Variants in CSMD1 observed in about 807,000 individuals in gnomAD.
CSMD1 encodes the protein CUB and Sushi multiple domains 1.
A neutral mutation model predicts 417.5 loss-of-function variants in CSMD1; 213 were observed. The ratio of observed to expected loss-of-function variants is 0.51; its 90% CI spans 0.46 to 0.57. The LOEUF is 0.57. Ranked by LOEUF, CSMD1 falls within the 20% of genes least tolerant of loss-of-function variation. The pLI, the probability that CSMD1 is intolerant of heterozygous loss-of-function variation, is 0.00. For synonymous variants in CSMD1, 2,862 were observed against 1,736.8 expected (o/e 1.65, Z -16.11); for missense variants, 6,923 against 4,529.7 (o/e 1.53, Z -15.17).
At chr8:4,511,083 G>A (rs182827189) in intron 2 of CSMD1, among the ~76,000 whole-genome samples, 215 of 152,138 alleles carry the variant, frequency 1.4e-3, no homozygotes, top group African/African-American at 4.9e-3. Flanking sequence ...AGCCTGGTCA[G>A]CACTCTCCTG....
At chr8:3,641,664 T>C (rs1046259857) in intron 7 of CSMD1, among the ~76,000 whole-genome samples, 1 of 152,178 alleles carries the variant, frequency 6.6e-6, no homozygotes, top group Admixed American at 6.5e-5. Context: ...GAATTTCAAA[T>C]ACAGCTTTTG....
At chr8:4,442,722 A>G (rs894640535) in intron 2 of CSMD1, among the ~76,000 whole-genome samples, 5 of 152,284 alleles carry the variant, frequency 3.3e-5, no homozygotes, top group East Asian at 3.9e-4. Flanking sequence ...GTATTTGTTG[A>G]TAATACAATC....
intron 7 of CSMD1, among the ~76,000 whole-genome samples, chr8:3,642,179 T>C (rs1417815079): frequency 6.6e-6 from 1 of 151,186 alleles, no homozygotes; most frequent in Non-Finnish European, 1.5e-5. Context: ...TATTTATACA[T>C]AATATATAAT....
At chr8:3,360,551 C>T (rs1809093693) in intron 20 of CSMD1, among the ~76,000 whole-genome samples, 1 of 152,220 alleles carries the variant, frequency 6.6e-6, no homozygotes, top group Middle Eastern at 3.4e-3. Flanking sequence ...AGTCAGCCAG[C>T]CAACTAGGAA....
intron 12 of CSMD1, among the ~76,000 whole-genome samples, chr8:3,416,725 C>T (rs1329381352): frequency 1.3e-5 from 2 of 152,186 alleles, no homozygotes; most frequent in Non-Finnish European, 2.9e-5. Flanking sequence ...GGCAAGGCAG[C>T]ACTGTACATG....
At chr8:4,264,609 G>C (rs1038392948) in intron 3 of CSMD1, among the ~76,000 whole-genome samples, 1 of 152,092 alleles carries the variant, frequency 6.6e-6, no homozygotes, top group Non-Finnish European at 1.5e-5. Context: ...AGGGTAGATA[G>C]CAGTAAGGGT....
In CSMD1 at chr8:3,495,237, G is replaced by A. The variant is rs562044022; in HGVS notation, c.1345-1511C>T. Among the ~76,000 whole-genome samples the A allele has an allele frequency of 2.6e-5, 4 of 152,218 alleles. No individual in the cohort carries two copies. In the East Asian group the frequency reaches 5.8e-4, roughly 22 times the overall value. ...GTTTCTCATGAACCAATTTATAAGTGACCATCATCTGATAATCAGACAATT... is the reference window on the plus strand; with the variant it reads ...GTTTCTCATGAACCAATTTATAAGTAACCATCATCTGATAATCAGACAATT... On this transcript the variant is annotated intron_variant, in intron 10 of 69. Coordinates refer to ENST00000635120, the MANE Select transcript of CSMD1 (RefSeq NM_033225.6).
At chr8:3,457,496 TGGAGC>T (rs1816228969) in intron 12 of CSMD1, among the ~76,000 whole-genome samples, 1 of 152,176 alleles carries the variant, frequency 6.6e-6, no homozygotes, top group South Asian at 2.1e-4. Context: ...AGAAACGCAT[TGGAGC>T]TGAGTCATCA....
chr8:4,173,568 T>C (rs1309275900), intron 3 of CSMD1, among the ~76,000 whole-genome samples: 1 of 152,046 alleles, frequency 6.6e-6, no homozygotes, highest in Non-Finnish European at 1.5e-5. Flanking sequence ...AATTATCAAA[T>C]GATGTAACAA....
chr8:3,623,258 G>T (rs1231973494), intron 7 of CSMD1, among the ~76,000 whole-genome samples: 1 of 152,156 alleles, frequency 6.6e-6, no homozygotes, highest in African/African-American at 2.4e-5. Flanking sequence ...ACAAAACCTT[G>T]TGACTCTGCA....
chr8:3,626,884 A>T (rs1441299278), intron 7 of CSMD1, among the ~76,000 whole-genome samples: 1 of 149,790 alleles, frequency 6.7e-6, no homozygotes, highest in Non-Finnish European at 1.5e-5. Flanking sequence ...AAATATAAGT[A>T]TTAATAAATT....
intron 3 of CSMD1, among the ~76,000 whole-genome samples, chr8:4,194,970 A>C (rs1230261594): frequency 6.6e-6 from 1 of 152,198 alleles, no homozygotes; most frequent in Non-Finnish European, 1.5e-5. Flanking sequence ...ATGAGAATGG[A>C]CTATCTAGCT....
intron 2 of CSMD1, among the ~76,000 whole-genome samples, chr8:4,460,441 T>C (rs1281158069): frequency 6.6e-6 from 1 of 152,062 alleles, no homozygotes; most frequent in Non-Finnish European, 1.5e-5. Context: ...AAGTACAAGC[T>C]AAACTTACGG....
chr8:4,164,619 T>C (rs562565238), intron 3 of CSMD1, among the ~76,000 whole-genome samples: 2 of 152,246 alleles, frequency 1.3e-5, no homozygotes, highest in South Asian at 4.1e-4. Context: ...ACCTTATTGG[T>C]TTACATACTT....
intron 1 of CSMD1, among the ~76,000 whole-genome samples, chr8:4,681,946 T>C (rs998287460): frequency 1.3e-5 from 2 of 152,202 alleles, no homozygotes; most frequent in Admixed American, 6.5e-5. Flanking sequence ...TGATTTATTT[T>C]CTTTGCTTTC....
chr8:3,676,341 G>C (rs1439036742), intron 7 of CSMD1, among the ~76,000 whole-genome samples: 1 of 152,076 alleles, frequency 6.6e-6, no homozygotes, highest in Non-Finnish European at 1.5e-5. Context: ...GGTGGAGGTG[G>C]GTGGCCGCCC....
intron 55 of CSMD1, 89 bp from the exon 56 acceptor site, chr8:2,974,713 C>T: frequency 2.3e-6 from 2 of 879,800 alleles, no homozygotes; most frequent in Non-Finnish European, 3.2e-6. Flanking sequence ...CCCATACTGA[C>T]ATCATGTATT....
chr8:3,569,351 T>C (rs901957051), intron 10 of CSMD1, among the ~76,000 whole-genome samples: 3 of 152,196 alleles, frequency 2.0e-5, no homozygotes, highest in African/African-American at 4.8e-5. Flanking sequence ...TTTACATAAA[T>C]ACTTGCAATA....
At chr8:4,284,304 GT>G (rs1563387483) in intron 3 of CSMD1, among the ~76,000 whole-genome samples, 1 of 152,054 alleles carries the variant, frequency 6.6e-6, no homozygotes, top group African/African-American at 2.4e-5. Flanking sequence ...GGAGGCGGAG[GT>G]TGCCGTGAGC....
Sources: allele counts gnomAD v4.1 joint callset (sites outside exome capture counted in the v4.1 genomes callset), GRCh38; gene constraint gnomAD v4.1.1; transcripts MANE v1.5; gene names NCBI Gene and HGNC (gene_info 2026-07-23, HGNC 2026-07-21).